GABRG3: variants seen among roughly 807,000 people sequenced by gnomAD.
GABRG3 encodes the protein gamma-aminobutyric acid receptor subunit gamma-3.
In GABRG3, 25 loss-of-function variants were observed where a neutral mutation model predicts 48.8. That is an observed-to-expected ratio of 0.51 (90% CI 0.37 to 0.72). The LOEUF is 0.72. Ranked by LOEUF, GABRG3 falls within the 30% of genes least tolerant of loss-of-function variation. The pLI, the probability that GABRG3 is intolerant of heterozygous loss-of-function variation, is 0.00. For synonymous variants in GABRG3, 227 were observed against 217.6 expected, an observed-to-expected ratio of 1.04 and a Z score of -0.38; for missense variants, 394 against 577.9, an observed-to-expected ratio of 0.68 and a Z score of 3.26.
intron 3 of GABRG3, among the ~76,000 whole-genome samples, chr15:27,314,318 A>G (rs866175562): frequency 3.3e-5 from 5 of 152,194 alleles, no homozygotes; most frequent in South Asian, 4.1e-4. Flanking sequence ...AAGATGTTCA[A>G]TGTCACTAAT....
At chr15:27,209,012 G>A (rs190201859) in intron 3 of GABRG3, among the ~76,000 whole-genome samples, 1 of 152,336 alleles carries the variant, frequency 6.6e-6, no homozygotes, top group East Asian at 1.9e-4. Flanking sequence ...GAGCCTGGCG[G>A]ACCTTGTTGC....
At chr15:27,306,484 A>C (rs1334940934) in intron 3 of GABRG3, among the ~76,000 whole-genome samples, 2 of 140,018 alleles carry the variant, frequency 1.4e-5, no homozygotes, top group East Asian at 4.4e-4. Flanking sequence ...ATATAAACAT[A>C]TATATAATAT....
At chr15:27,359,804 A>C (rs1894962442) in intron 5 of GABRG3, among the ~76,000 whole-genome samples, 1 of 152,240 alleles carries the variant, frequency 6.6e-6, no homozygotes, top group Non-Finnish European at 1.5e-5. Context: ...TTCAAAGCAG[A>C]AGCTTACATA....
At chr15:27,147,272 ACATATAAG>A (rs1487493759) in intron 3 of GABRG3, among the ~76,000 whole-genome samples, 1 of 152,096 alleles carries the variant, frequency 6.6e-6, no homozygotes, top group African/African-American at 2.4e-5. Context: ...ATAAATATAA[ACATATAAG>A]CACCTAAACA....
rs374692698 is a variant in GABRG3, at chr15:27,458,185, G to A, written c.575-22465G>A. Among the ~76,000 whole-genome samples the A allele has an allele frequency of 1.2e-3, 176 of 152,300 alleles. 1 individual carries two copies. The highest frequency in any genetic ancestry group is 4.1e-3 in the African/African-American group (169 of 41,564). ...TCTTCACCGAAAGCACCCGCAGATC[G>A]TGATAAGTGCGGCCACCAAAAGGCG... On this transcript the variant is annotated intron_variant, in intron 5 of 9. Coordinates refer to ENST00000615808, the MANE Select transcript of GABRG3 (RefSeq NM_033223.5).
intron 5 of GABRG3, among the ~76,000 whole-genome samples, chr15:27,405,154 AC>A (rs746091222): frequency 9.2e-5 from 14 of 152,230 alleles, no homozygotes; most frequent in Non-Finnish European, 7.3e-5. Context: ...GTAGGACATT[AC>A]TTTTTTCTGT....
intron 2 of GABRG3, among the ~76,000 whole-genome samples, chr15:26,986,387 C>G (rs1895151352): frequency 6.6e-6 from 1 of 152,130 alleles, no homozygotes; most frequent in South Asian, 2.1e-4. Flanking sequence ...TTATACCTGT[C>G]ATCTCCAGGA....
At chr15:27,049,453 C>T (rs1018183075) in intron 3 of GABRG3, among the ~76,000 whole-genome samples, 4 of 152,180 alleles carry the variant, frequency 2.6e-5, no homozygotes, top group Admixed American at 2.0e-4. Context: ...CTGCTTCTAA[C>T]TTGGGAGCTC....
chr15:27,458,767 A>G (rs1889363099), intron 5 of GABRG3, among the ~76,000 whole-genome samples: 1 of 152,208 alleles, frequency 6.6e-6, no homozygotes, highest in Admixed American at 6.5e-5. Flanking sequence ...CTAGCTAGAT[A>G]AAAATGGCTG....
chr15:27,227,188 T>A (rs1424876272), intron 3 of GABRG3, among the ~76,000 whole-genome samples: 1 of 152,062 alleles, frequency 6.6e-6, no homozygotes, highest in Non-Finnish European at 1.5e-5. Flanking sequence ...ACACAATTAA[T>A]TAAGAAATAA....
chr15:27,041,992 C>T (rs572193967), intron 3 of GABRG3, among the ~76,000 whole-genome samples: 2 of 152,302 alleles, frequency 1.3e-5, no homozygotes, highest in African/African-American at 4.8e-5. Context: ...GTTCTACGTG[C>T]AATGCAGGTC....
chr15:27,473,572 G>C (rs1889849547), intron 5 of GABRG3, among the ~76,000 whole-genome samples: 2 of 152,134 alleles, frequency 1.3e-5, no homozygotes. Context: ...TAAGCTGGCT[G>C]ATCAGCTTTT....
chr15:27,488,217 G>A (rs1890266035), intron 6 of GABRG3, among the ~76,000 whole-genome samples: 1 of 152,156 alleles, frequency 6.6e-6, no homozygotes, highest in African/African-American at 2.4e-5. Context: ...ATTCCTCCAG[G>A]AGGCCATTTT....
At chr15:27,068,423 A>C (rs1896774931) in intron 3 of GABRG3, among the ~76,000 whole-genome samples, 1 of 152,242 alleles carries the variant, frequency 6.6e-6, no homozygotes, top group African/African-American at 2.4e-5. Flanking sequence ...GGCCCTATGC[A>C]CTGTAAGAAC....
chr15:26,988,649 G>A (rs751503498), intron 2 of GABRG3, among the ~76,000 whole-genome samples: 16 of 151,740 alleles, frequency 1.1e-4, no homozygotes, highest in Non-Finnish European at 2.1e-4. Flanking sequence ...ATTTACTGTT[G>A]CTATTGATGC....
intron 3 of GABRG3, among the ~76,000 whole-genome samples, chr15:27,213,963 T>G (rs915479015): frequency 3.9e-5 from 6 of 152,214 alleles, no homozygotes; most frequent in African/African-American, 1.4e-4. Context: ...ACGGAGTGCT[T>G]CCAAGGTAAC....
At chr15:27,484,393 G>A (rs1226688317) in intron 6 of GABRG3, among the ~76,000 whole-genome samples, 1 of 152,050 alleles carries the variant, frequency 6.6e-6, no homozygotes, top group African/African-American at 2.4e-5. Flanking sequence ...GTGTACCTTG[G>A]AATTATCGGA....
intron 3 of GABRG3, among the ~76,000 whole-genome samples, chr15:27,261,349 T>G (rs1325644208): frequency 6.6e-6 from 1 of 151,948 alleles, no homozygotes; most frequent in Non-Finnish European, 1.5e-5. Context: ...TGAGAAGGTA[T>G]TACCTAGAGA....
chr15:27,286,508 A>G (rs983702314), intron 3 of GABRG3, among the ~76,000 whole-genome samples: 1 of 152,216 alleles, frequency 6.6e-6, no homozygotes, highest in African/African-American at 2.4e-5. Flanking sequence ...GAGAGAAAGC[A>G]ACAATGGAAG....
Sources: allele counts gnomAD v4.1 joint callset (sites outside exome capture counted in the v4.1 genomes callset), GRCh38; gene constraint gnomAD v4.1.1; transcripts MANE v1.5; gene names NCBI Gene and HGNC (gene_info 2026-07-23, HGNC 2026-07-21).